DHX32: variants seen among roughly 807,000 people sequenced by gnomAD.
DHX32 encodes the protein DEAH-box helicase 32 (putative), also known as putative pre-mRNA-splicing factor ATP-dependent RNA helicase DHX32.
DHX32 carries 51 observed loss-of-function variants against 70.0 expected under a neutral mutation model. That is an observed-to-expected ratio of 0.73 (90% CI 0.58 to 0.92). DHX32 has a LOEUF of 0.92. Ranked by LOEUF, DHX32 falls within the 40% of genes least tolerant of loss-of-function variation. The pLI is 0.00. For synonymous variants in DHX32, 310 were observed against 315.3 expected (o/e 0.98, Z 0.18); for missense variants, 762 against 891.8 (o/e 0.85, Z 1.85).
Position 125,866,135 on chromosome 10 carries a change from C to T in DHX32, c.476+855G>A, listed in dbSNP as rs145820689. ...GGCAGTGCCCGGGGCAGCTGAAGCC[C>T]GTGGGATGGTCAACTCTGGCTCCAG... On this transcript the variant is annotated intron_variant, in intron 2 of 10. Coordinates refer to ENST00000284690, the MANE Select transcript of DHX32 (RefSeq NM_018180.3). The surrounding 1 kb of genome is among the most constrained non-coding windows in gnomAD (Gnocchi z 4.8). 9.8e-4 allele frequency among the ~76,000 whole-genome samples: 150 copies of T among 152,286 alleles called. No individual in the cohort carries two copies. Among genetic ancestry groups the T allele is most frequent in the African/African-American group, 2.9e-3 (120 of 41,550 alleles).
intron 1 of DHX32, among the ~76,000 whole-genome samples, chr10:125,873,483 A>T (rs565512925): frequency 3.2e-4 from 49 of 152,220 alleles, no homozygotes; most frequent in Non-Finnish European, 6.8e-4. Flanking sequence ...CCAATCCTGA[A>T]GCTACTGCCA....
At position 125,880,673 on chromosome 10, in the gene DHX32, C is replaced by T. The variant is rs746704907; in HGVS notation, c.152G>A (p.Arg51His). ...TCTTTCTTTCAGAAGTTTATAATAA[C>T]GTGATGAATATGGCAATCCATCAAA... Reference protein sequence around the residue: ...NPFDGLPYSSRYYKLLKERED... With the variant: ...NPFDGLPYSSHYYKLLKERED... Residue 51 changes from arginine to histidine, a missense_variant, in exon 1 of 11, where the codon CGT becomes CAT. Arg to His is a conservative substitution (Grantham distance 29, BLOSUM62 0). Around this residue, in one of 3 missense-constraint regions of DHX32, gnomAD observed 394 missense variants for 473.1 expected, o/e 0.83. Coordinates refer to ENST00000284690, the MANE Select transcript of DHX32 (RefSeq NM_018180.3). The T allele has an allele frequency of 2.6e-5, 42 of 1,614,054 alleles. No homozygotes were observed. Among genetic ancestry groups the T allele is most frequent in the Middle Eastern group, 1.6e-4 (1 of 6,084 alleles).
chr10:125,852,262 A>G (rs1944100484), intron 6 of DHX32, 31 bp downstream of exon 6: 2 of 1,608,492 alleles, frequency 1.2e-6, no homozygotes, highest in Non-Finnish European at 1.7e-6. Context: ...TCTCAGCCTA[A>G]TGCCTGGCTG....
chr10:125,863,204 T>C (rs1040241366), intron 2 of DHX32, among the ~76,000 whole-genome samples: 11 of 151,982 alleles, frequency 7.2e-5, no homozygotes, highest in Admixed American at 7.2e-4. Context: ...CTATGAGATA[T>C]CTTGATATGT....
intron 1 of DHX32, chr10:125,869,600 G>T (rs1206431275): frequency 1.3e-5 from 2 of 151,716 alleles, no homozygotes; most frequent in African/African-American, 4.8e-5. Flanking sequence ...AATTTCTTTA[G>T]TAGAGACAGG....
chr10:125,862,874 A>G (rs886348691), intron 2 of DHX32, among the ~76,000 whole-genome samples: 1 of 152,164 alleles, frequency 6.6e-6, no homozygotes, highest in Non-Finnish European at 1.5e-5. Context: ...GCAAAAAAAA[A>G]AACTACTTTT....
rs566615296 is a variant in DHX32 at position 125,843,566 on chromosome 10, G to A, written c.1352-1632C>T. ...AGTGGAGCTTGTAGTGAGCCGAGAT[G>A]GCACCACTGCACTCCAGCCTGGGCG... On this transcript the variant is annotated intron_variant, in intron 6 of 10. Coordinates refer to ENST00000284690, the MANE Select transcript of DHX32 (RefSeq NM_018180.3). Among the ~76,000 whole-genome samples the A allele has an allele frequency of 1.4e-4, 21 of 151,954 alleles. No individual in the cohort carries two copies. In the South Asian group the frequency reaches 4.2e-3, roughly 30 times the overall value.
rs1944220779 is a variant in DHX32, at chr10:125,866,487, G to T, written c.476+503C>A. ...CAAGTTTTCCAGAAGCCCCACAGAG[G>T]GTTTTCTAATGTGTATTACTGGAGG... On this transcript the variant is annotated intron_variant, in intron 2 of 10. Coordinates refer to ENST00000284690, the MANE Select transcript of DHX32 (RefSeq NM_018180.3). This position sits in a 1 kb window ranked among gnomAD's most constrained non-coding sequence, Gnocchi z 4.8. 1.3e-5 allele frequency among the ~76,000 whole-genome samples: 2 copies of T among 152,188 alleles called. No individual in the cohort carries two copies. Among genetic ancestry groups the T allele is most frequent in the Admixed American group, 1.3e-4 (2 of 15,274 alleles).
Position 125,866,981 on chromosome 10 carries a change from C to G in DHX32, c.476+9G>C. The stretch of plus-strand genomic sequence containing the variant: ...TCAGCAGGGAGCGGACTGAACCCCA[C>G]AAACCAACCTCAGGATTGTTTCGTT... On this transcript the variant is annotated intron_variant, in intron 2 of 10. Transcript: ENST00000284690. This position sits in a 1 kb window ranked among gnomAD's most constrained non-coding sequence, Gnocchi z 4.8. 3 of 1,610,118 alleles carry G rather than the reference C, an allele frequency of 1.9e-6. No homozygotes were observed. Among genetic ancestry groups the G allele is most frequent in the Non-Finnish European group, 2.5e-6 (3 of 1,177,590 alleles).
At chr10:125,893,146 G>A (rs1263608312) in intron 1 of DHX32, among the ~76,000 whole-genome samples, 4 of 152,404 alleles carry the variant, frequency 2.6e-5, no homozygotes, top group African/African-American at 9.6e-5. Flanking sequence ...GTAGGAGAGC[G>A]AAGTGCATTT....
upstream of DHX32, among the ~76,000 whole-genome samples, chr10:125,882,132 T>G (rs967472217): frequency 2.6e-5 from 4 of 152,292 alleles, no homozygotes; most frequent in Admixed American, 2.6e-4. Flanking sequence ...AGTCCCCACA[T>G]GTCAGGTGAA....
intron 6 of DHX32, 61 bp from the exon 7 acceptor site, chr10:125,841,995 A>G: frequency 6.8e-7 from 1 of 1,472,582 alleles, no homozygotes; most frequent in Non-Finnish European, 8.9e-7. Flanking sequence ...AGAAACAGGT[A>G]CTGGACTTTT....
chr10:125,877,119 G>A (rs1342202202), intron 1 of DHX32, among the ~76,000 whole-genome samples: 1 of 152,172 alleles, frequency 6.6e-6, no homozygotes. Context: ...ACAACATATG[G>A]AAAATCTTTG....
intron 6 of DHX32, among the ~76,000 whole-genome samples, chr10:125,850,057 C>G (rs1175441047): frequency 1.3e-5 from 2 of 151,840 alleles, no homozygotes; most frequent in African/African-American, 4.8e-5. Context: ...ACCTTGAACC[C>G]TGGACTCAAG....
At chr10:125,885,439 C>T (rs189797633), upstream of DHX32, among the ~76,000 whole-genome samples, 1 of 152,038 alleles carries the variant, frequency 6.6e-6, no homozygotes, top group Non-Finnish European at 1.5e-5. Flanking sequence ...AATCAGAGGA[C>T]CCTCCTAGCC....
intron 1 of DHX32, chr10:125,890,532 T>C (rs1460705102): frequency 1.3e-5 from 2 of 152,356 alleles, no homozygotes; most frequent in South Asian, 4.1e-4. Flanking sequence ...AATTAGCTTT[T>C]TAAAAATAAA....
chr10:125,839,693 T>C (rs764659051), intron 8 of DHX32, among the ~76,000 whole-genome samples: 26 of 152,226 alleles, frequency 1.7e-4, no homozygotes, highest in Non-Finnish European at 2.6e-4. Flanking sequence ...GAATTAATTA[T>C]GTTATAGTTA....
At position 125,881,118 on chromosome 10, in the gene DHX32, A is replaced by G. The variant is rs1010500234; in HGVS notation, c.-294T>C. The stretch of plus-strand genomic sequence containing the variant: ...AGAGTAAGGAAAATTAGGAACACAT[A>G]TAAGTTAAAAAGAAAATGCACAGGA... On this transcript the variant is annotated 5_prime_UTR_variant, in exon 1 of 11. Transcript: ENST00000284690. The G allele has an allele frequency of 2.0e-5, 6 of 296,204 alleles. No individual in the cohort carries two copies. Among genetic ancestry groups the G allele is most frequent in the African/African-American group, 4.3e-5 (2 of 46,378 alleles). 18.3% of individuals were successfully genotyped at this position (296,204 alleles called of 1,614,324 possible).
At chr10:125,845,055 A>G (rs906855847) in intron 6 of DHX32, among the ~76,000 whole-genome samples, 1 of 152,228 alleles carries the variant, frequency 6.6e-6, no homozygotes, top group Non-Finnish European at 1.5e-5. Context: ...ACCTAGTTAC[A>G]AAGAGGTCAT....
Sources: gnomAD v4.1 joint callset for allele counts (sites outside exome capture counted in the v4.1 genomes callset) on GRCh38, gnomAD v4.1.1 for gene constraint, gnomAD v4.1.1 regional missense constraint, Gnocchi (gnomAD v3.1) non-coding constraint, MANE v1.5 for transcripts, NCBI Gene and HGNC (gene_info 2026-07-23, HGNC 2026-07-21) for gene names.